CYP2C19: variants seen among roughly 807,000 people sequenced by gnomAD.
The protein encoded by CYP2C19 is cytochrome P450 2C19.
In CYP2C19, 59 loss-of-function variants were observed where a neutral mutation model predicts 40.9. That is an observed-to-expected ratio of 1.44 (90% CI 1.17 to 1.79). The LOEUF (loss-of-function observed/expected upper bound fraction) is 1.79. CYP2C19 is among the 40% of genes most tolerant of loss of function. The pLI, the probability that CYP2C19 is intolerant of heterozygous loss-of-function variation, is 0.00. For synonymous variants in CYP2C19, 253 were observed against 208.7 expected (o/e 1.21, Z -1.83); for missense variants, 754 against 596.9 (o/e 1.26, Z -2.74).
chr10:94,775,536 A>G lies in CYP2C19; in HGVS notation c.478A>G (p.Lys160Glu), dbSNP rs375760063. The G allele has an allele frequency of 1.2e-5, 19 of 1,613,888 alleles. No individual in the cohort carries two copies. In the African/African-American group the frequency reaches 1.2e-4, roughly 10 times the overall value. The change falls in exon 3 of 9, where the codon AAG becomes GAG. Residue 160 changes from lysine to glutamate, a missense_variant. Physicochemically the swap from Lys to Glu is moderately conservative, Grantham distance 56 (BLOSUM62 1). Transcript: ENST00000371321. ...RCLVEELRKTKASPCDPTFIL... is the reference protein window; with the variant it reads ...RCLVEELRKTEASPCDPTFIL... ...CCTTGTGGAGGAGTTGAGAAAAACC[A>G]AGGGTGGGTGAACATACTCTCTATC...
intron 3 of CYP2C19, among the ~76,000 whole-genome samples, chr10:94,778,495 G>A (rs1024718350): frequency 1.3e-5 from 2 of 152,128 alleles, no homozygotes; most frequent in Non-Finnish European, 2.9e-5. Flanking sequence ...AGACATTTAT[G>A]TGGCCAACAA....
Position 94,853,450 on chromosome 10 carries a change from G to A in CYP2C19, c.*536G>A, listed in dbSNP as rs898159631. Among the ~76,000 whole-genome samples, 4 of 152,006 alleles carry A rather than the reference G, an allele frequency of 2.6e-5. No homozygotes were observed. The highest frequency in any genetic ancestry group is 9.7e-5 in the African/African-American group (4 of 41,384). On this transcript the variant is annotated 3_prime_UTR_variant, in exon 9 of 9. Transcript: ENST00000371321. Reference sequence around the variant, plus strand: ...TTACATGAGGATTGGATTTGAAAGTGAGAAACTGTGTCCAGGAGCAGCTCC... The same window carrying A: ...TTACATGAGGATTGGATTTGAAAGTAAGAAACTGTGTCCAGGAGCAGCTCC...
chr10:94,791,921 T>C (rs944067512), intron 5 of CYP2C19, among the ~76,000 whole-genome samples: 3 of 152,118 alleles, frequency 2.0e-5, no homozygotes, highest in African/African-American at 4.8e-5. Flanking sequence ...TGGATATCCT[T>C]ATTAACTTTC....
At chr10:94,784,864 A>G (rs998411266) in intron 5 of CYP2C19, among the ~76,000 whole-genome samples, 4 of 152,090 alleles carry the variant, frequency 2.6e-5, no homozygotes, top group African/African-American at 9.7e-5. Context: ...TGCTGGGATT[A>G]CAGGTGTGAG....
intron 7 of CYP2C19, among the ~76,000 whole-genome samples, chr10:94,849,537 T>C (rs1849620906): frequency 6.6e-6 from 1 of 151,804 alleles, no homozygotes; most frequent in African/African-American, 2.4e-5. Flanking sequence ...ATGTGCAGGT[T>C]TGTTACATAT....
intron 6 of CYP2C19, among the ~76,000 whole-genome samples, chr10:94,834,807 C>T (rs181539700): frequency 1.4e-4 from 22 of 152,266 alleles, no homozygotes; most frequent in Non-Finnish European, 2.6e-4. Context: ...TTGCAAGCCC[C>T]GTGTTTAAAG....
intron 5 of CYP2C19, among the ~76,000 whole-genome samples, chr10:94,791,353 G>C (rs1346140047): frequency 6.6e-6 from 1 of 151,942 alleles, no homozygotes; most frequent in Non-Finnish European, 1.5e-5. Context: ...AGGGTTTTCT[G>C]TGTCTATCTC....
chr10:94,801,314 A>T (rs967331908), intron 5 of CYP2C19, among the ~76,000 whole-genome samples: 1 of 152,176 alleles, frequency 6.6e-6, no homozygotes, highest in African/African-American at 2.4e-5. Flanking sequence ...ATTGGTTTCA[A>T]AGAACATTAT....
intron 1 of CYP2C19, among the ~76,000 whole-genome samples, chr10:94,765,259 G>A (rs1172814866): frequency 1.3e-5 from 2 of 152,092 alleles, no homozygotes; most frequent in Non-Finnish European, 2.9e-5. Flanking sequence ...CACTGATGGA[G>A]TTGAGTTTTG....
rs1848451570 is a variant in CYP2C19 at position 94,779,274 on chromosome 10, A to C, written c.482-1225A>C. On this transcript the variant is annotated intron_variant, in intron 3 of 8. Transcript: ENST00000371321. ...TTCTGCACACGTGTCCCAGAACTTA[A>C]AGTAAAATTAAAAATTAAAAAATAT... 2.0e-5 allele frequency among the ~76,000 whole-genome samples: 3 copies of C among 152,152 alleles called. No individual in the cohort carries two copies. In the South Asian group the frequency reaches 6.2e-4, roughly 31 times the overall value.
chr10:94,788,760 G>T (rs759416710), intron 5 of CYP2C19, among the ~76,000 whole-genome samples: 11 of 152,166 alleles, frequency 7.2e-5, no homozygotes, highest in Non-Finnish European at 1.5e-4. Flanking sequence ...ATTGGCATTT[G>T]TGTTGGTTCC....
At chr10:94,827,430 A>G (rs1441371610) in intron 6 of CYP2C19, among the ~76,000 whole-genome samples, 1 of 151,436 alleles carries the variant, frequency 6.6e-6, no homozygotes, top group Non-Finnish European at 1.5e-5. Context: ...TTTCTTCTAG[A>G]TTTTCTAGTT....
At chr10:94,832,776 A>AT (rs537209933) in intron 6 of CYP2C19, among the ~76,000 whole-genome samples, 10 of 151,456 alleles carry the variant, frequency 6.6e-5, no homozygotes, top group Middle Eastern at 3.4e-3. Flanking sequence ...AATTTTAAAG[A>AT]TTTTTTTTCT....
At chr10:94,845,143 T>A (rs1051781250) in intron 7 of CYP2C19, among the ~76,000 whole-genome samples, 2 of 152,304 alleles carry the variant, frequency 1.3e-5, no homozygotes, top group Non-Finnish European at 2.9e-5. Flanking sequence ...CTGGATCCAC[T>A]TATCTAGGTG....
At chr10:94,764,109 T>C (rs879822432) in intron 1 of CYP2C19, among the ~76,000 whole-genome samples, 4 of 152,072 alleles carry the variant, frequency 2.6e-5, no homozygotes, top group Admixed American at 1.3e-4. Flanking sequence ...ATAAAGGTAG[T>C]GTGGACCCAA....
chr10:94,839,403 G>C (rs1321449612), intron 6 of CYP2C19, among the ~76,000 whole-genome samples: 1 of 152,090 alleles, frequency 6.6e-6, no homozygotes, highest in Non-Finnish European at 1.5e-5. Context: ...TGCCTTTCTT[G>C]ACCACAAAGA....
At chr10:94,843,065 A>G in intron 7 of CYP2C19, 41 bp downstream of exon 7, 1 of 1,604,544 alleles carries the variant, frequency 6.2e-7, no homozygotes, top group Non-Finnish European at 8.5e-7. Context: ...ATGTTCTTTT[A>G]TTCCTCAAAT....
At chr10:94,819,817 A>T (rs1849081675) in intron 5 of CYP2C19, among the ~76,000 whole-genome samples, 1 of 109,490 alleles carries the variant, frequency 9.1e-6, no homozygotes, top group Non-Finnish European at 1.9e-5. Flanking sequence ...AGGTACAAGG[A>T]GGAACTGGTA....
At chr10:94,765,737 G>A (rs1848231546) in intron 1 of CYP2C19, among the ~76,000 whole-genome samples, 1 of 152,092 alleles carries the variant, frequency 6.6e-6, no homozygotes, top group African/African-American at 2.4e-5. Context: ...CAGGGAGGAG[G>A]TGATGATATT....
Sources: allele counts gnomAD v4.1 joint callset (sites outside exome capture counted in the v4.1 genomes callset), GRCh38; gene constraint gnomAD v4.1.1; transcripts MANE v1.5; gene names NCBI Gene and HGNC (gene_info 2026-07-23, HGNC 2026-07-21).